The following FBXL16 variants were observed in gnomAD, a reference collection of about 807,000 sequenced individuals.
FBXL16 encodes the protein F-box and leucine rich repeat protein 16.
Under a neutral mutation model 36.7 loss-of-function variants are expected in FBXL16, and 7 were observed. The ratio of observed to expected loss-of-function variants is 0.19; its 90% CI spans 0.11 to 0.36. The LOEUF is 0.36. FBXL16 is among the 10% of genes least tolerant of loss of function. FBXL16 has a pLI of 1.00. For synonymous variants in FBXL16, 355 were observed against 308.7 expected, an observed-to-expected ratio of 1.15 and a Z score of -1.57; for missense variants, 463 against 659.4, an observed-to-expected ratio of 0.70 and a Z score of 3.26.
intron 1 of FBXL16, among the ~76,000 whole-genome samples, chr16:701,257 C>T (rs2040054359): frequency 6.6e-6 from 1 of 152,160 alleles, no homozygotes. Context: ...CCTGGCTTCC[C>T]TCATCCACAC....
chr16:700,474 G>A (rs1385460729), intron 1 of FBXL16, among the ~76,000 whole-genome samples: 4 of 152,050 alleles, frequency 2.6e-5, no homozygotes, highest in African/African-American at 9.7e-5. Context: ...CCTCACGGCC[G>A]CCCTTAGGGG....
At chr16:700,825 G>T (rs939472369) in intron 1 of FBXL16, among the ~76,000 whole-genome samples, 3 of 152,048 alleles carry the variant, frequency 2.0e-5, no homozygotes, top group African/African-American at 7.2e-5. Context: ...GCGCGCTCAG[G>T]GCCAGGCCCG....
At chr16:694,471 GGC>G in intron 5 of FBXL16, 48 bp from the exon 6 acceptor site, 1 of 1,511,458 alleles carries the variant, frequency 6.6e-7, no homozygotes, top group Non-Finnish European at 8.9e-7. Context: ...CCAGGGCTCG[GGC>G]GGGGACGGCC....
In FBXL16 at chr16:695,489, G is replaced by A; in HGVS notation, c.1068C>T (p.Cys356=). 1 of 1,589,078 alleles carries A rather than the reference G, an allele frequency of 6.3e-7. No homozygotes were observed. Among genetic ancestry groups the A allele is most frequent in the Non-Finnish European group, 8.5e-7 (1 of 1,174,460 alleles). Residue 356 remains cysteine (C), a synonymous_variant, in exon 3 of 6, where the codon TGC becomes TGT. Transcript: ENST00000397621. Reference sequence around the variant, plus strand: ...CCAGCGCCATGTCGGTGATGCGTGGGCACCACGAGAGGTCAAGGCTGCGCA... The same window carrying A: ...CCAGCGCCATGTCGGTGATGCGTGGACACCACGAGAGGTCAAGGCTGCGCA... The part of the protein sequence containing the change: ...RKLRSLDLSW[C]PRITDMALEY...
In FBXL16 at chr16:697,537, C is replaced by G; in HGVS notation, c.-14-118G>C. The G allele has an allele frequency of 1.6e-6, 2 of 1,275,388 alleles. No individual in the cohort carries two copies. The highest frequency in any genetic ancestry group is 2.1e-6 in the Non-Finnish European group (2 of 959,004). 79.0% of individuals were successfully genotyped at this position (1,275,388 alleles called of 1,614,324 possible). A position where few individuals can be genotyped will look rare whatever the true frequency, so the allele number is the denominator to read the frequency against. ...GGGCGTCCCTATGGTGCTCCCAGAACCACCAGACAGAGAGGATGGGAGTGC... is the reference window on the plus strand; with the variant it reads ...GGGCGTCCCTATGGTGCTCCCAGAAGCACCAGACAGAGAGGATGGGAGTGC... On this transcript the variant is annotated intron_variant, in intron 1 of 5. Coordinates refer to ENST00000397621, the MANE Select transcript of FBXL16 (RefSeq NM_153350.4). The surrounding 1 kb of genome is among the most constrained non-coding windows in gnomAD (Gnocchi z 4.6).
At chr16:698,045 A>C (rs1309074230) in intron 1 of FBXL16, among the ~76,000 whole-genome samples, 1 of 150,640 alleles carries the variant, frequency 6.6e-6, no homozygotes, top group Non-Finnish European at 1.5e-5. Context: ...CCTGGAGCGC[A>C]GACTGGAGTG....
chr16:698,913 C>CAAAAAAAAAAAAAAAAAAAA (rs767619638), intron 1 of FBXL16, among the ~76,000 whole-genome samples: 1 of 89,730 alleles, frequency 1.1e-5, no homozygotes, highest in Admixed American at 1.1e-4. Flanking sequence ...GACTTTGTCT[C>CAAAAAAAAAAAAAAAAAAAA]AAAAAAAAAA....
chr16:697,479 G>T lies in FBXL16; in HGVS notation c.-14-60C>A. The T allele has an allele frequency of 6.8e-7, 1 of 1,471,354 alleles. No individual in the cohort carries two copies. The highest frequency in any genetic ancestry group is 9.0e-7 in the Non-Finnish European group (1 of 1,112,154). 91.1% of individuals were successfully genotyped at this position (1,471,354 alleles called of 1,614,324 possible). The stretch of plus-strand genomic sequence containing the variant: ...TTGCTGAGTCTGGAAGGCCGGGGTT[G>T]GGGGCGGGTGCAGTGGGGCTCCTTC... On this transcript the variant is annotated intron_variant, in intron 1 of 5. Coordinates refer to ENST00000397621, the MANE Select transcript of FBXL16 (RefSeq NM_153350.4). This position sits in a 1 kb window ranked among gnomAD's most constrained non-coding sequence, Gnocchi z 4.6.
chr16:700,335 C>A (rs1442345832), intron 1 of FBXL16, among the ~76,000 whole-genome samples: 3 of 152,164 alleles, frequency 2.0e-5, no homozygotes, highest in African/African-American at 4.8e-5. Context: ...AAGGTGAGGC[C>A]GGGCCCTCCA....
At position 695,586 on chromosome 16, in the gene FBXL16, G is replaced by A. The variant is rs745510976; in HGVS notation, c.971C>T (p.Ala324Val). Reference protein sequence around the residue: ...NVVHSLPNLTALSLSGCSKVT... With the variant: ...NVVHSLPNLTVLSLSGCSKVT... ...CTTGGAGCAGCCCGAGAGGCTGAGCGCGGTGAGGTTGGGCAGGCTGTGCAC... is the reference window on the plus strand; with the variant it reads ...CTTGGAGCAGCCCGAGAGGCTGAGCACGGTGAGGTTGGGCAGGCTGTGCAC... Residue 324 changes from alanine to valine, a missense_variant, in exon 3 of 6, where the codon GCG becomes GTG. Ala to Val is a moderately conservative substitution (Grantham distance 64). Transcript: ENST00000397621. The A allele has an allele frequency of 1.9e-5, 31 of 1,605,934 alleles. No homozygotes were observed. The highest frequency in any genetic ancestry group is 2.5e-5 in the Non-Finnish European group (29 of 1,179,078).
chr16:696,780 C>A lies in FBXL16; in HGVS notation c.626G>T (p.Gly209Val). 7.5e-7 allele frequency: 1 copy of A among 1,341,678 alleles called. No individual in the cohort carries two copies. Among genetic ancestry groups the A allele is most frequent in the Non-Finnish European group, 9.7e-7 (1 of 1,026,436 alleles). 83.1% of individuals were successfully genotyped at this position (1,341,678 alleles called of 1,614,324 possible). The change falls in exon 2 of 6, where the codon GGC (glycine) becomes GTC (valine). Residue 209 changes from glycine to valine, a missense_variant. By Grantham distance (109) the Gly-to-Val change is moderately radical. Transcript: ENST00000397621. ...CCCGAGCCTGGTGCACACCTCGAGG[C>A]CTGCGTCCGTGATGGTGGAGCGCTT... ...SLKRSTITDA[G>V]LEVMLEQMQG...
In FBXL16 at chr16:705,595, G is replaced by C. The variant is rs1424188690; in HGVS notation, c.-98C>G. ...GAGCCCGGCATGGGCGTCGGCGCGC[G>C]GGGGCCGCCGGGGTGCTGGACTGGC... is the stretch of plus-strand genomic sequence containing the variant. On this transcript the variant is annotated 5_prime_UTR_variant, in exon 1 of 6. Transcript: ENST00000397621. The C allele has an allele frequency of 6.7e-6, 1 of 149,788 alleles. No homozygotes were observed. Among genetic ancestry groups the C allele is most frequent in the Non-Finnish European group, 1.5e-5 (1 of 67,110 alleles). The allele number at this position is 149,788 out of a possible 1,614,324, so 9.3% of individuals were successfully genotyped here.
intron 1 of FBXL16, among the ~76,000 whole-genome samples, chr16:699,593 G>A (rs915627907): frequency 2.6e-5 from 4 of 152,206 alleles, no homozygotes; most frequent in East Asian, 1.9e-4. Flanking sequence ...AGCTCAGTGC[G>A]TGGCTCATAG....
At chr16:694,832 A>G (rs1282556545) in intron 4 of FBXL16, 135 bp from the exon 5 acceptor site, 1 of 1,278,150 alleles carries the variant, frequency 7.8e-7, no homozygotes, top group Non-Finnish European at 1.1e-6. Flanking sequence ...GCGGCTGGGA[A>G]GTGCTCGTGG....
intron 2 of FBXL16, chr16:696,144 G>T: frequency 1.7e-6 from 1 of 593,942 alleles, no homozygotes; most frequent in Non-Finnish European, 2.8e-6. Flanking sequence ...GCTGCCAGGC[G>T]GCTCCTCTGA....
At chr16:698,959 GAAAAGA>G (rs1159099387) in intron 1 of FBXL16, among the ~76,000 whole-genome samples, 3 of 81,628 alleles carry the variant, frequency 3.7e-5, no homozygotes, top group Non-Finnish European at 7.4e-5. Flanking sequence ...AAGAAAAAAA[GAAAAGA>G]AAAAGAAAAA....
At chr16:699,593 G>C (rs915627907) in intron 1 of FBXL16, among the ~76,000 whole-genome samples, 2 of 152,206 alleles carry the variant, frequency 1.3e-5, no homozygotes, top group African/African-American at 2.4e-5. Flanking sequence ...AGCTCAGTGC[G>C]TGGCTCATAG....
In FBXL16 at chr16:695,028, C is replaced by A; in HGVS notation, c.1191G>T (p.Ser397=). ...DTGLSYLSTM[S]SLRSLYLRWC... Reference sequence around the variant, plus strand: ...ATCGCAGGTAGAGGCTGCGGAGGGACGACATGGTGGACAGATAGCTGAGGC... The same window carrying A: ...ATCGCAGGTAGAGGCTGCGGAGGGAAGACATGGTGGACAGATAGCTGAGGC... Residue 397 remains serine, a synonymous_variant, in exon 4 of 6, where the codon TCG becomes TCT. Transcript: ENST00000397621. 6.3e-7 allele frequency: 1 copy of A among 1,576,708 alleles called. No homozygotes were observed. The highest frequency in any genetic ancestry group is 1.8e-5 in the Admixed American group (1 of 56,992).
Position 695,440 on chromosome 16 carries a change from G to C in FBXL16, c.1117C>G (p.Arg373Gly), listed in dbSNP as rs774114676. The C allele has an allele frequency of 6.5e-7, 1 of 1,547,600 alleles. No individual in the cohort carries two copies. The highest frequency in any genetic ancestry group is 1.2e-5 in the South Asian group (1 of 85,292). ...CTGTCGAGCACGAGCTCCTCTAGGCGGTGCAGGTCGCAGGCCACGTACTCC... is the reference window on the plus strand; with the variant it reads ...CTGTCGAGCACGAGCTCCTCTAGGCCGTGCAGGTCGCAGGCCACGTACTCC... ...ALEYVACDLH[R>G]LEELVLDRCV... Residue 373 changes from arginine to glycine, a missense_variant, in exon 3 of 6, where the codon CGC becomes GGC. Physicochemically the swap from Arg to Gly is moderately radical, Grantham distance 125. Around this residue, in one of 3 missense-constraint regions of FBXL16, gnomAD observed 134 missense variants for 172.0 expected, o/e 0.78. Coordinates refer to ENST00000397621, the MANE Select transcript of FBXL16 (RefSeq NM_153350.4).
Sources: allele counts gnomAD v4.1 joint callset (sites outside exome capture counted in the v4.1 genomes callset), GRCh38; gene constraint gnomAD v4.1.1; regional missense constraint gnomAD v4.1.1; non-coding constraint Gnocchi (gnomAD v3.1); transcripts MANE v1.5; gene names NCBI Gene and HGNC (gene_info 2026-07-23, HGNC 2026-07-21).